The following CLEC7A variants were observed in gnomAD, a reference collection of about 807,000 sequenced individuals.
CLEC7A encodes C-type lectin domain family 7 member A.
CLEC7A carries 25 observed loss-of-function variants against 26.9 expected under a neutral mutation model. The ratio of observed to expected loss-of-function variants is 0.93; its 90% confidence interval spans 0.68 to 1.30. CLEC7A has a LOEUF of 1.30. Among genes scored for constraint, CLEC7A ranks in the 50% most tolerant of loss-of-function variants. The probability of loss-of-function intolerance (pLI) is 0.00; values close to 1 mark genes in which losing one functional copy is unlikely to be tolerated. For synonymous variants in CLEC7A, 100 were observed against 99.5 expected (o/e 1.01, Z -0.03); for missense variants, 275 against 286.7 (o/e 0.96, Z 0.29).
chr12:10,127,280 A>G, intron 2 of CLEC7A: 1 of 1,465,702 alleles, frequency 6.8e-7, no homozygotes, highest in Non-Finnish European at 9.2e-7. Context: ...TATATTAAAG[A>G]TCGGAAATAA....
intron 5 of CLEC7A, 39 bp from the exon 6 acceptor site, chr12:10,118,629 G>A (rs1947983035): frequency 6.4e-7 from 1 of 1,568,624 alleles, no homozygotes; most frequent in African/African-American, 1.4e-5. Flanking sequence ...TAGAACAAAT[G>A]TTAAGGAATA....
chr12:10,125,515 A>G (rs964793762), intron 3 of CLEC7A, 67 bp from the exon 4 acceptor site: 1 of 1,338,672 alleles, frequency 7.5e-7, no homozygotes, highest in Non-Finnish European at 1.0e-6. Flanking sequence ...TGTGAACACC[A>G]TTCATCTTAA....
Position 10,126,728 on chromosome 12 carries a change from T to C in CLEC7A, c.203-20A>G. ...AAATAGCTTCACATACCAACAATAATAATAGTGACAGAAAAAATGTCATTC... is the reference window on the plus strand; with the variant it reads ...AAATAGCTTCACATACCAACAATAACAATAGTGACAGAAAAAATGTCATTC... On this transcript the variant is annotated intron_variant, in intron 2 of 5. Coordinates refer to ENST00000304084, the MANE Select transcript of CLEC7A (RefSeq NM_197947.3). 1 of 1,577,904 alleles carries C rather than the reference T, an allele frequency of 6.3e-7. No individual in the cohort carries two copies. The highest frequency in any genetic ancestry group is 8.6e-7 in the Non-Finnish European group (1 of 1,158,274).
chr12:10,118,728 C>A, intron 5 of CLEC7A, 138 bp from the exon 6 acceptor site: 1 of 674,952 alleles, frequency 1.5e-6, no homozygotes, highest in South Asian at 2.8e-5. Flanking sequence ...AGGCTTAAAT[C>A]TAAATTGTTG....
chr12:10,128,389 C>T (rs961476382), intron 1 of CLEC7A, among the ~76,000 whole-genome samples: 42 of 152,128 alleles, frequency 2.8e-4, no homozygotes, highest in South Asian at 2.1e-4. Flanking sequence ...ATTGTAATTT[C>T]GGCACATTGG....
At chr12:10,127,064 G>A in intron 2 of CLEC7A, 1 of 1,391,420 alleles carries the variant, frequency 7.2e-7, no homozygotes, top group Non-Finnish European at 9.5e-7. Context: ...TTAAAAATGA[G>A]AGATCCTTGA....
In CLEC7A at chr12:10,126,683, G is replaced by C. The variant is rs921838864; in HGVS notation, c.228C>G (p.Ser76Arg). The change falls in exon 3 of 6, where the codon AGC (serine) becomes AGG (arginine). Residue 76 changes from serine (S) to arginine (R), a missense_variant. Transcript: ENST00000304084. Reference protein sequence around the residue: ...TMAIWRSNSGSNTLENGYFLS... With the variant: ...TMAIWRSNSGRNTLENGYFLS... ...GAAAGTAGCCATTCTCCAATGTGTTGCTTCCTGAATTGGATCTCCAAATAG... is the reference window on the plus strand; with the variant it reads ...GAAAGTAGCCATTCTCCAATGTGTTCCTTCCTGAATTGGATCTCCAAATAG... The C allele has an allele frequency of 1.2e-6, 2 of 1,611,400 alleles. No homozygotes were observed. The highest frequency in any genetic ancestry group is 3.4e-5 in the Admixed American group (2 of 59,488).
chr12:10,122,116 A>G (rs1315759007), intron 5 of CLEC7A, among the ~76,000 whole-genome samples: 1 of 152,252 alleles, frequency 6.6e-6, no homozygotes, highest in Non-Finnish European at 1.5e-5. Flanking sequence ...CAAAGTCAAA[A>G]GTTACTTTCT....
chr12:10,124,087 T>G (rs950416087), intron 4 of CLEC7A, among the ~76,000 whole-genome samples: 2 of 152,186 alleles, frequency 1.3e-5, no homozygotes, highest in East Asian at 3.8e-4. Flanking sequence ...TAAAAATAAT[T>G]TAGTCCAACT....
At chr12:10,122,560 G>T (rs1948128515) in intron 5 of CLEC7A, among the ~76,000 whole-genome samples, 1 of 145,386 alleles carries the variant, frequency 6.9e-6, no homozygotes, top group Admixed American at 7.0e-5. Flanking sequence ...GTGCAATGGT[G>T]CAATCTCAGC....
chr12:10,126,155 C>T, intron 3 of CLEC7A: 1 of 982,996 alleles, frequency 1.0e-6, no homozygotes, highest in Non-Finnish European at 1.2e-6. Context: ...CAACATTTTC[C>T]CTTCTTTCCT....
At chr12:10,122,765 A>G (rs1186148467) in intron 5 of CLEC7A, among the ~76,000 whole-genome samples, 41 of 152,164 alleles carry the variant, frequency 2.7e-4, no homozygotes, top group Admixed American at 2.7e-3. Context: ...TGCTGGGATT[A>G]CGGGTGTGAG....
chr12:10,129,945 G>T, intron 1 of CLEC7A, 35 bp downstream of exon 1: 1 of 1,239,288 alleles, frequency 8.1e-7, no homozygotes, highest in Non-Finnish European at 1.2e-6. Flanking sequence ...AAACGGGAGA[G>T]CTAAAGGCAC....
chr12:10,119,866 C>T (rs1591941352), intron 5 of CLEC7A, among the ~76,000 whole-genome samples: 1 of 150,060 alleles, frequency 6.7e-6, no homozygotes, highest in African/African-American at 2.4e-5. Flanking sequence ...GAAACAGATA[C>T]ATATAGAAAA....
In CLEC7A at chr12:10,126,692, A is replaced by G. The variant is rs1382581571; in HGVS notation, c.219T>C (p.Asn73=). Residue 73 remains asparagine (N), a synonymous_variant, in exon 3 of 6, where the codon AAT becomes AAC. Coordinates refer to ENST00000304084, the MANE Select transcript of CLEC7A (RefSeq NM_197947.3). The part of the protein sequence containing the change: ...VLGTMAIWRS[N]SGSNTLENGY... Reference sequence around the variant, plus strand: ...CATTCTCCAATGTGTTGCTTCCTGAATTGGATCTCCAAATAGCTTCACATA... The same window carrying G: ...CATTCTCCAATGTGTTGCTTCCTGAGTTGGATCTCCAAATAGCTTCACATA... 6.2e-7 allele frequency: 1 copy of G among 1,611,526 alleles called. No homozygotes were observed. Among genetic ancestry groups the G allele is most frequent in the Non-Finnish European group, 8.5e-7 (1 of 1,178,944 alleles).
chr12:10,123,202 T>G, intron 5 of CLEC7A, 43 bp downstream of exon 5: 1 of 1,290,626 alleles, frequency 7.7e-7, no homozygotes, highest in Admixed American at 1.7e-5. Flanking sequence ...GATGGAAACC[T>G]CTCTGAGAAA....
intron 5 of CLEC7A, among the ~76,000 whole-genome samples, chr12:10,120,047 A>G (rs11053602): frequency 0.13 from 20,148 of 152,168 alleles, 1,795 homozygotes; most frequent in African/African-American, 0.26. Context: ...AACAAAATAA[A>G]AGACTTAATA....
At chr12:10,124,484 A>C (rs3901533) in intron 4 of CLEC7A, among the ~76,000 whole-genome samples, 99,655 of 152,032 alleles carry the variant, frequency 0.66, 34,317 homozygotes, top group Middle Eastern at 0.78. Flanking sequence ...ACTCCTATAG[A>C]ATTTATTGCT....
chr12:10,120,499 GAAAT>G (rs1477031122), intron 5 of CLEC7A, among the ~76,000 whole-genome samples: 2 of 151,458 alleles, frequency 1.3e-5, no homozygotes, highest in Non-Finnish European at 1.5e-5. Context: ...AAGGAAGAAA[GAAAT>G]AAACAACTAA....
Sources: allele counts gnomAD v4.1 joint callset (sites outside exome capture counted in the v4.1 genomes callset), GRCh38; gene constraint gnomAD v4.1.1; transcripts MANE v1.5; gene names NCBI Gene and HGNC (gene_info 2026-07-23, HGNC 2026-07-21).